PALLD: variants seen among roughly 807,000 people sequenced by gnomAD.
PALLD encodes palladin.
PALLD carries 61 observed loss-of-function variants against 123.5 expected under a neutral mutation model. That is an observed-to-expected ratio of 0.49 (90% confidence interval 0.40 to 0.61). The LOEUF is 0.61. Among genes scored for constraint, PALLD ranks in the 20% least tolerant of loss-of-function variants. The pLI, the probability that PALLD is intolerant of heterozygous loss-of-function variation, is 0.00. For synonymous variants in PALLD, 465 were observed against 496.4 expected (o/e 0.94, Z 0.84); for missense variants, 1,273 against 1,377.0 (o/e 0.92, Z 1.20).
At chr4:168,841,903 C>T (rs1163618201) in intron 10 of PALLD, among the ~76,000 whole-genome samples, 1 of 152,214 alleles carries the variant, frequency 6.6e-6, no homozygotes, top group Non-Finnish European at 1.5e-5. Flanking sequence ...TGAAAGATTT[C>T]CTATCCTATG....
At chr4:168,698,248 C>T (rs937672007) in intron 8 of PALLD, among the ~76,000 whole-genome samples, 5 of 151,906 alleles carry the variant, frequency 3.3e-5, no homozygotes, top group South Asian at 2.1e-4. Flanking sequence ...TTAATTGGTA[C>T]AAAAATATAG....
intron 10 of PALLD, among the ~76,000 whole-genome samples, chr4:168,881,678 T>C (rs1343620593): frequency 1.3e-5 from 2 of 152,076 alleles, no homozygotes; most frequent in Non-Finnish European, 2.9e-5. Context: ...TGACAAACTC[T>C]TTTAGATGGA....
intron 10 of PALLD, chr4:168,877,825 C>A: frequency 7.7e-7 from 1 of 1,301,948 alleles, no homozygotes; most frequent in Non-Finnish European, 9.7e-7. Flanking sequence ...CGCCCTCGCC[C>A]CCCTTCCCGC....
intron 3 of PALLD, among the ~76,000 whole-genome samples, chr4:168,680,206 G>A (rs1489825204): frequency 2.0e-4 from 30 of 151,894 alleles, no homozygotes; most frequent in Non-Finnish European, 2.9e-5. Flanking sequence ...GGCCATGTGC[G>A]GTGGCTCACG....
intron 10 of PALLD, among the ~76,000 whole-genome samples, chr4:168,765,336 CAG>C (rs1364235930): frequency 5.3e-5 from 8 of 152,230 alleles, no homozygotes; most frequent in Non-Finnish European, 1.0e-4. Context: ...TCTTGAGAGA[CAG>C]AGAGCGTGGC....
At chr4:168,548,412 A>G (rs779969131) in intron 2 of PALLD, among the ~76,000 whole-genome samples, 3 of 152,152 alleles carry the variant, frequency 2.0e-5, no homozygotes, top group Non-Finnish European at 4.4e-5. Flanking sequence ...TTATCTTTAC[A>G]CTTCTTTGTT....
At chr4:168,868,747 A>G (rs950549205) in intron 10 of PALLD, among the ~76,000 whole-genome samples, 2 of 152,186 alleles carry the variant, frequency 1.3e-5, no homozygotes, top group Non-Finnish European at 2.9e-5. Flanking sequence ...CACACAAGGG[A>G]ACTGTTTCCT....
At chr4:168,796,277 T>G (rs1738489806) in intron 10 of PALLD, among the ~76,000 whole-genome samples, 1 of 152,200 alleles carries the variant, frequency 6.6e-6, no homozygotes, top group South Asian at 2.1e-4. Flanking sequence ...GCTGGCCTAA[T>G]TGTTTCTTGA....
chr4:168,541,151 T>A lies in PALLD; in HGVS notation c.908+28739T>A, dbSNP rs139692533. Among the ~76,000 whole-genome samples, 258 of 152,364 alleles carry A rather than the reference T, an allele frequency of 1.7e-3. 2 individuals are homozygous for A. Among genetic ancestry groups the A allele is most frequent in the African/African-American group, 5.7e-3 (237 of 41,592 alleles). ...TATTTACGCAGATATGTTGACTCAC[T>A]GTTACTTAAGCGTCAATGAATTATT... On this transcript the variant is annotated intron_variant, in intron 2 of 21. Coordinates refer to ENST00000505667, the MANE Select transcript of PALLD (RefSeq NM_001166108.2).
At chr4:168,680,669 A>G (rs1781467402) in intron 3 of PALLD, among the ~76,000 whole-genome samples, 1 of 152,114 alleles carries the variant, frequency 6.6e-6, no homozygotes, top group Non-Finnish European at 1.5e-5. Flanking sequence ...TAAGTGACCC[A>G]AGTTAAATGT....
At chr4:168,797,734 C>A (rs768488013) in intron 10 of PALLD, among the ~76,000 whole-genome samples, 1 of 151,972 alleles carries the variant, frequency 6.6e-6, no homozygotes, top group Non-Finnish European at 1.5e-5. Flanking sequence ...TATCAGAGAC[C>A]AAATGAGAAG....
chr4:168,827,620 C>T (rs1340616636), intron 10 of PALLD, among the ~76,000 whole-genome samples: 2 of 152,166 alleles, frequency 1.3e-5, no homozygotes, highest in African/African-American at 4.8e-5. Context: ...TTTCCTTAGT[C>T]TTGTTCTTGT....
At chr4:168,627,728 G>C (rs925769684) in intron 2 of PALLD, among the ~76,000 whole-genome samples, 1 of 152,060 alleles carries the variant, frequency 6.6e-6, no homozygotes, top group East Asian at 1.9e-4. Flanking sequence ...AACTCCTAAC[G>C]CAAAGGGATA....
intron 2 of PALLD, among the ~76,000 whole-genome samples, chr4:168,533,899 GAAGAC>G (rs1024412936): frequency 7.2e-5 from 11 of 152,168 alleles, no homozygotes; most frequent in African/African-American, 2.7e-4. Flanking sequence ...CCACATTGAC[GAAGAC>G]AAGAAGGAAG....
At chr4:168,633,266 T>A (rs1485009503) in intron 2 of PALLD, among the ~76,000 whole-genome samples, 2 of 152,246 alleles carry the variant, frequency 1.3e-5, no homozygotes, top group Non-Finnish European at 2.9e-5. Context: ...GCAAACAGGT[T>A]ATTTTCAGTA....
chr4:168,777,358 G>T (rs1247226996), intron 10 of PALLD, among the ~76,000 whole-genome samples: 16 of 152,178 alleles, frequency 1.1e-4, no homozygotes, highest in Admixed American at 1.0e-3. Flanking sequence ...CCATTGTCCA[G>T]TCTTGACACA....
chr4:168,599,625 GCA>G (rs1172371708), intron 2 of PALLD, among the ~76,000 whole-genome samples: 3 of 152,100 alleles, frequency 2.0e-5, no homozygotes, highest in African/African-American at 7.2e-5. Context: ...AGTTAGCCAG[GCA>G]TGGTGACACA....
intron 10 of PALLD, among the ~76,000 whole-genome samples, chr4:168,731,675 T>C (rs565871736): frequency 1.3e-5 from 2 of 152,238 alleles, no homozygotes; most frequent in Non-Finnish European, 2.9e-5. Flanking sequence ...GTAAGTGAAT[T>C]ATTCCTCTGC....
At chr4:168,660,520 C>T (rs1370356159) in intron 2 of PALLD, among the ~76,000 whole-genome samples, 1 of 152,116 alleles carries the variant, frequency 6.6e-6, no homozygotes, top group Non-Finnish European at 1.5e-5. Context: ...ATTTTTGGCA[C>T]CATCTAATTT....
Sources: allele counts gnomAD v4.1 joint callset (sites outside exome capture counted in the v4.1 genomes callset), GRCh38; gene constraint gnomAD v4.1.1; transcripts MANE v1.5; gene names NCBI Gene and HGNC (gene_info 2026-07-23, HGNC 2026-07-21).